Variants in TTC7B observed in about 807,000 individuals in gnomAD.
The protein encoded by TTC7B is tetratricopeptide repeat protein 7B.
TTC7B carries 28 observed loss-of-function variants against 106.8 expected under a neutral mutation model. That is an observed-to-expected ratio of 0.26 (90% CI 0.19 to 0.36). TTC7B has a LOEUF of 0.36. TTC7B is among the 10% of genes least tolerant of loss of function. The pLI is 1.00. For synonymous variants in TTC7B, 405 were observed against 430.6 expected (o/e 0.94, Z 0.74); for missense variants, 862 against 1,076.4 (o/e 0.80, Z 2.79).
chr14:90,779,354 A>C (rs1383681407), intron 3 of TTC7B, among the ~76,000 whole-genome samples: 1 of 151,984 alleles, frequency 6.6e-6, no homozygotes, highest in Non-Finnish European at 1.5e-5. Flanking sequence ...CACAGGCTGG[A>C]GTGCAATGGC....
chr14:90,581,853 G>A (rs752892861), intron 18 of TTC7B, among the ~76,000 whole-genome samples: 2 of 152,182 alleles, frequency 1.3e-5, no homozygotes, highest in Non-Finnish European at 2.9e-5. Context: ...CCTCAGGCCT[G>A]ATGTTCTCGC....
At chr14:90,565,647 G>A (rs12896568) in intron 19 of TTC7B, among the ~76,000 whole-genome samples, 47,454 of 151,600 alleles carry the variant, frequency 0.31, 7,981 homozygotes, top group Admixed American at 0.39. Context: ...TGATCTGCCC[G>A]CCTCGGCCTC....
rs1276249390 is a variant in TTC7B at position 90,802,321 on chromosome 14, T to A, written c.121+13854A>T. Among the ~76,000 whole-genome samples, 1 of 152,166 alleles carries A rather than the reference T, an allele frequency of 6.6e-6. No individual in the cohort carries two copies. The highest frequency in any genetic ancestry group is 1.9e-4 in the East Asian group (1 of 5,158). On this transcript the variant is annotated intron_variant, in intron 1 of 19. Transcript: ENST00000328459. This position sits in a 1 kb window ranked among gnomAD's most constrained non-coding sequence, Gnocchi z 4.7. ...CTTTAGCAGGGAAGTCTAGGGTGCC[T>A]GTGCCCGTGCCTGCAGAAGGGAAGG...
At chr14:90,694,523 T>C (rs974574454) in intron 6 of TTC7B, among the ~76,000 whole-genome samples, 1 of 149,290 alleles carries the variant, frequency 6.7e-6, no homozygotes, top group African/African-American at 2.5e-5. Flanking sequence ...ATATCCATTA[T>C]GACACAGAAG....
chr14:90,604,135 G>A (rs1892543166), intron 17 of TTC7B, among the ~76,000 whole-genome samples: 2 of 152,076 alleles, frequency 1.3e-5, no homozygotes, highest in South Asian at 4.2e-4. Context: ...TGAAAAATAC[G>A]GGCAGGTGGG....
chr14:90,801,404 T>A (rs2030260818), intron 1 of TTC7B, among the ~76,000 whole-genome samples: 1 of 151,960 alleles, frequency 6.6e-6, no homozygotes, highest in Non-Finnish European at 1.5e-5. Context: ...AGAGAAGACA[T>A]CTGTATTGTC....
intron 5 of TTC7B, chr14:90,698,351 C>A (rs1352574487): frequency 6.6e-6 from 1 of 152,170 alleles, no homozygotes; most frequent in Admixed American, 6.5e-5. Context: ...GCTTTCATAT[C>A]TTCAAACTGT....
intron 19 of TTC7B, among the ~76,000 whole-genome samples, chr14:90,574,548 A>G (rs924012782): frequency 6.6e-6 from 1 of 152,202 alleles, no homozygotes; most frequent in African/African-American, 2.4e-5. Flanking sequence ...TCTGGGGTTG[A>G]ATTTACATTT....
In TTC7B at chr14:90,744,840, A is replaced by G. The variant is rs1283908219; in HGVS notation, c.528T>C (p.Tyr176=). 3.1e-6 allele frequency: 5 copies of G among 1,614,084 alleles called. No homozygotes were observed. Among genetic ancestry groups the G allele is most frequent in the South Asian group, 2.2e-5 (2 of 91,084 alleles). ...GGAGTGCGATGTCCCCTGCTTTCTCATAACAGGTGATGACATCCTGTTCCC... is the reference window on the plus strand; with the variant it reads ...GGAGTGCGATGTCCCCTGCTTTCTCGTAACAGGTGATGACATCCTGTTCCC... The part of the protein sequence containing the change: ...VDREQDVITC[Y]EKAGDIALLY... The change falls in exon 4 of 20, where the codon TAT becomes TAC. Residue 176 remains tyrosine (Y), a synonymous_variant. Transcript: ENST00000328459.
In TTC7B at chr14:90,657,108, GA is replaced by G; in HGVS notation, c.1341+65del. 9 of 1,361,506 alleles carry G rather than the reference GA, an allele frequency of 6.6e-6. No homozygotes were observed. Among genetic ancestry groups the G allele is most frequent in the Admixed American group, 3.6e-5 (2 of 55,248 alleles). 84.3% of individuals were successfully genotyped at this position (1,361,506 alleles called of 1,614,324 possible). A position where few individuals can be genotyped will look rare whatever the true frequency, so the allele number is the denominator to read the frequency against. Reference sequence around the variant, plus strand: ...TCGCTTTCTCTCTGTGCCTCGACATGAAAAAAATGGGCAGTCCTGGCCCAGA... The same window carrying G: ...TCGCTTTCTCTCTGTGCCTCGACATGAAAAAATGGGCAGTCCTGGCCCAGA... On this transcript the variant is annotated intron_variant, in intron 11 of 19. Coordinates refer to ENST00000328459, the MANE Select transcript of TTC7B (RefSeq NM_001010854.2). The surrounding 1 kb of genome is among the most constrained non-coding windows in gnomAD (Gnocchi z 4.2).
At chr14:90,549,354 G>T (rs1173634901) in intron 19 of TTC7B, among the ~76,000 whole-genome samples, 1 of 152,164 alleles carries the variant, frequency 6.6e-6, no homozygotes, top group African/African-American at 2.4e-5. Flanking sequence ...GCACCACCAC[G>T]ACTTTTGAAC....
intron 19 of TTC7B, among the ~76,000 whole-genome samples, chr14:90,566,638 T>G (rs1890812816): frequency 6.6e-6 from 1 of 152,094 alleles, no homozygotes; most frequent in South Asian, 2.1e-4. Flanking sequence ...GGAAGCCAAC[T>G]GGAGGAGGGA....
intron 6 of TTC7B, 81 bp from the exon 7 acceptor site, chr14:90,689,793 T>C (rs1595284660): frequency 1.4e-6 from 2 of 1,480,504 alleles, no homozygotes; most frequent in East Asian, 2.3e-5. Flanking sequence ...TAAATATTTA[T>C]ATCATCACAT....
intron 16 of TTC7B, among the ~76,000 whole-genome samples, chr14:90,616,641 T>C (rs1426022443): frequency 1.3e-5 from 2 of 152,184 alleles, no homozygotes; most frequent in African/African-American, 4.8e-5. Context: ...GGTCTGTCTA[T>C]CAGTTTCCAG....
intron 7 of TTC7B, among the ~76,000 whole-genome samples, chr14:90,681,858 C>T (rs749013953): frequency 1.4e-5 from 2 of 146,246 alleles, no homozygotes; most frequent in African/African-American, 2.5e-5. Flanking sequence ...AAACAACCAC[C>T]TCAGTATGTT....
At chr14:90,784,449 C>G (rs1891316742) in intron 2 of TTC7B, among the ~76,000 whole-genome samples, 1 of 151,970 alleles carries the variant, frequency 6.6e-6, no homozygotes, top group African/African-American at 2.4e-5. Context: ...CCCAGCTAGT[C>G]AGGAGGCTGA....
At chr14:90,700,430 T>G (rs1260543798) in intron 5 of TTC7B, among the ~76,000 whole-genome samples, 1 of 152,008 alleles carries the variant, frequency 6.6e-6, no homozygotes, top group East Asian at 2.0e-4. Flanking sequence ...CTGCAATCAT[T>G]GTGAAGGCAA....
At chr14:90,579,296 G>A (rs370863661) in intron 18 of TTC7B, among the ~76,000 whole-genome samples, 1 of 152,168 alleles carries the variant, frequency 6.6e-6, no homozygotes, top group Non-Finnish European at 1.5e-5. Flanking sequence ...GAGGCCGCCC[G>A]CTCTGTCGGG....
intron 4 of TTC7B, among the ~76,000 whole-genome samples, chr14:90,740,674 G>A (rs777294041): frequency 6.6e-6 from 1 of 151,698 alleles, no homozygotes; most frequent in South Asian, 2.1e-4. Context: ...GCTAATTTTT[G>A]TATTTTCAGT....
Sources: allele counts gnomAD v4.1 joint callset (sites outside exome capture counted in the v4.1 genomes callset), GRCh38; gene constraint gnomAD v4.1.1; non-coding constraint Gnocchi (gnomAD v3.1); transcripts MANE v1.5; gene names NCBI Gene and HGNC (gene_info 2026-07-23, HGNC 2026-07-21).